The following PARVA variants were observed in gnomAD, a reference collection of about 807,000 sequenced individuals.
PARVA encodes the protein parvin alpha.
PARVA carries 25 observed loss-of-function variants against 52.6 expected under a neutral mutation model. That is an observed-to-expected ratio of 0.48 (90% CI 0.35 to 0.66). The LOEUF (loss-of-function observed/expected upper bound fraction) is 0.66. PARVA is among the 30% of genes least tolerant of loss of function. The probability of loss-of-function intolerance (pLI) is 0.01; values close to 1 mark genes in which losing one functional copy is unlikely to be tolerated. For missense variants in PARVA, 373 were observed against 450.9 expected (o/e 0.83, Z 1.56); for synonymous variants, 185 against 179.1 (o/e 1.03, Z -0.26).
rs977989277 is a variant in PARVA, at chr11:12,533,940, G to A, written c.*6015G>A. The stretch of plus-strand genomic sequence containing the variant: ...TCCCAGCACTTTGGGAGGCCGAGAC[G>A]GACAGATCACAAGGTCAGGAGATTG... On this transcript the variant is annotated 3_prime_UTR_variant, in exon 13 of 13. Coordinates refer to ENST00000334956, the MANE Select transcript of PARVA (RefSeq NM_018222.5). 9.2e-5 allele frequency among the ~76,000 whole-genome samples: 14 copies of A among 152,012 alleles called. No individual in the cohort carries two copies. Among genetic ancestry groups the A allele is most frequent in the East Asian group, 3.9e-4 (2 of 5,168 alleles).
intron 1 of PARVA, among the ~76,000 whole-genome samples, chr11:12,464,861 G>A (rs762373344): frequency 3.3e-5 from 5 of 152,070 alleles, no homozygotes; most frequent in East Asian, 1.9e-4. Flanking sequence ...TTGGCATCAC[G>A]GACCAATTTC....
chr11:12,379,365 G>A (rs929561237), intron 1 of PARVA, among the ~76,000 whole-genome samples: 3 of 152,096 alleles, frequency 2.0e-5, no homozygotes, highest in Admixed American at 2.0e-4. Flanking sequence ...GAGTTGCTCT[G>A]GTTCACATGC....
intron 4 of PARVA, among the ~76,000 whole-genome samples, chr11:12,495,111 A>G (rs1159516596): frequency 6.6e-6 from 1 of 152,248 alleles, no homozygotes; most frequent in East Asian, 1.9e-4. Context: ...GGCACACACA[A>G]GGTCTCTTCA....
At chr11:12,494,052 C>T (rs1056599721) in intron 4 of PARVA, among the ~76,000 whole-genome samples, 1 of 152,200 alleles carries the variant, frequency 6.6e-6, no homozygotes, top group South Asian at 2.1e-4. Flanking sequence ...ACACAGAACT[C>T]AGGAAGGCAC....
At position 12,452,755 on chromosome 11, in the gene PARVA, C is replaced by T. The variant is rs149035453; in HGVS notation, c.137-20990C>T. ...TGCCAAGAGGCGAGAGGCAGAATCC[C>T]GCTTGCTTTGCAGCAGGTCTGTGAG... On this transcript the variant is annotated intron_variant, in intron 1 of 12. Coordinates refer to ENST00000334956, the MANE Select transcript of PARVA (RefSeq NM_018222.5). 2.1e-3 allele frequency: 502 copies of T among 240,164 alleles called. 5 individuals carry two copies. The highest frequency in any genetic ancestry group is 9.5e-3 in the African/African-American group (428 of 45,232). 14.9% of individuals were successfully genotyped at this position (240,164 alleles called of 1,614,324 possible).
At chr11:12,470,145 G>A (rs1302045884) in intron 1 of PARVA, among the ~76,000 whole-genome samples, 1 of 152,214 alleles carries the variant, frequency 6.6e-6, no homozygotes, top group Non-Finnish European at 1.5e-5. Context: ...GTTTTTCTGG[G>A]AAAAAGGTAA....
chr11:12,465,856 A>G (rs1940847324), intron 1 of PARVA, among the ~76,000 whole-genome samples: 1 of 152,228 alleles, frequency 6.6e-6, no homozygotes, highest in African/African-American at 2.4e-5. Flanking sequence ...ATGTTTTCAA[A>G]TCAGTTGGGT....
chr11:12,448,642 G>A (rs1283427425), intron 1 of PARVA, among the ~76,000 whole-genome samples: 1 of 152,172 alleles, frequency 6.6e-6, no homozygotes, highest in Admixed American at 6.5e-5. Context: ...AGACAGTGAT[G>A]CTGTTGAGCC....
At chr11:12,516,200 G>A (rs1332686177) in intron 10 of PARVA, among the ~76,000 whole-genome samples, 2 of 152,194 alleles carry the variant, frequency 1.3e-5, no homozygotes, top group East Asian at 1.9e-4. Flanking sequence ...CGGCTGAGCC[G>A]CAGGCCGGCT....
intron 1 of PARVA, among the ~76,000 whole-genome samples, chr11:12,410,470 C>T (rs913828063): frequency 5.3e-5 from 8 of 152,222 alleles, no homozygotes; most frequent in African/African-American, 1.9e-4. Context: ...GCCAGGCATA[C>T]ATTCAGGGGC....
At chr11:12,406,659 C>CTTTTTT (rs1939912566) in intron 1 of PARVA, among the ~76,000 whole-genome samples, 2 of 98,778 alleles carry the variant, frequency 2.0e-5, no homozygotes, top group Non-Finnish European at 4.2e-5. Context: ...TAGGTTGTAT[C>CTTTTTT]TGTTTTTTTT....
intron 11 of PARVA, among the ~76,000 whole-genome samples, chr11:12,518,207 C>T (rs1480409832): frequency 1.3e-5 from 2 of 152,210 alleles, no homozygotes; most frequent in African/African-American, 4.8e-5. Context: ...TACACAGGAA[C>T]ACAGTAGGAT....
chr11:12,484,808 C>CTTTTTTTTTTTTTTTTTTTT (rs1177057401), intron 4 of PARVA, among the ~76,000 whole-genome samples: 1 of 102,638 alleles, frequency 9.7e-6, no homozygotes, highest in Non-Finnish European at 2.0e-5. Context: ...TTTTTGTTGA[C>CTTTTTTTTTTTTTTTTTTTT]TTTTTTTTTT....
chr11:12,378,150 C>A (rs1436391087), intron 1 of PARVA, among the ~76,000 whole-genome samples: 1 of 151,968 alleles, frequency 6.6e-6, no homozygotes, highest in African/African-American at 2.4e-5. Context: ...ATCCAGTAGG[C>A]CCTGCCCCGC....
intron 12 of PARVA, among the ~76,000 whole-genome samples, chr11:12,526,283 C>T (rs1941700168): frequency 6.6e-6 from 1 of 152,174 alleles, no homozygotes; most frequent in Admixed American, 6.5e-5. Flanking sequence ...TGGCTCCCCA[C>T]TCTGCCTACT....
chr11:12,478,126 T>G (rs778795440), intron 4 of PARVA, 177 bp downstream of exon 4: 2 of 691,060 alleles, frequency 2.9e-6, no homozygotes, highest in African/African-American at 1.8e-5. Context: ...TTGGAATGTT[T>G]CATATGAATG....
Position 12,403,484 on chromosome 11 carries a change from G to A in PARVA, c.136+25701G>A, listed in dbSNP as rs541027834. ...AGCATTTCCACTGTGTGCGTGGGAG[G>A]TTCTGATGCGGTGGGACTCAGAAGG... On this transcript the variant is annotated intron_variant, in intron 1 of 12. Coordinates refer to ENST00000334956, the MANE Select transcript of PARVA (RefSeq NM_018222.5). Among the ~76,000 whole-genome samples, 91 of 152,346 alleles carry A rather than the reference G, an allele frequency of 6.0e-4. 1 individual carries two copies. The highest frequency in any genetic ancestry group is 2.1e-3 in the African/African-American group (87 of 41,582).
chr11:12,486,128 A>G (rs191995448), intron 4 of PARVA, among the ~76,000 whole-genome samples: 1 of 152,320 alleles, frequency 6.6e-6, no homozygotes, highest in Admixed American at 6.5e-5. Flanking sequence ...TACGATAGTA[A>G]TGTGAGCTGT....
intron 12 of PARVA, among the ~76,000 whole-genome samples, chr11:12,520,815 A>C (rs1490628019): frequency 6.6e-6 from 1 of 152,098 alleles, no homozygotes; most frequent in Non-Finnish European, 1.5e-5. Context: ...AGCCAGGTGT[A>C]GTGGTGCATG....
Sources: allele counts gnomAD v4.1 joint callset (sites outside exome capture counted in the v4.1 genomes callset), GRCh38; gene constraint gnomAD v4.1.1; transcripts MANE v1.5; gene names NCBI Gene and HGNC (gene_info 2026-07-23, HGNC 2026-07-21).